Variants in DISP1 observed in about 807,000 individuals in gnomAD.
The protein encoded by DISP1 is protein dispatched homolog 1.
A neutral mutation model predicts 37.3 loss-of-function variants in DISP1; 30 were observed. The observed-to-expected ratio is 0.80, with a 90% CI of 0.60 to 1.09. The LOEUF (loss-of-function observed/expected upper bound fraction) is 1.09. DISP1 is among the 50% of genes least tolerant of loss of function. The pLI, the probability that DISP1 is intolerant of heterozygous loss-of-function variation, is 0.00. For missense variants in DISP1, 1,598 were observed against 1,879.5 expected (o/e 0.85, Z 2.77); for synonymous variants, 634 against 690.2 (o/e 0.92, Z 1.28).
intron 1 of DISP1, among the ~76,000 whole-genome samples, chr1:222,870,889 G>A (rs1183681666): frequency 1.3e-5 from 2 of 152,120 alleles, no homozygotes; most frequent in African/African-American, 4.8e-5. Flanking sequence ...GAATGGTATT[G>A]CCTAGGTTTT....
Position 223,004,044 on chromosome 1 carries a change from C to A in DISP1, c.2647C>A (p.Gln883Lys). 1 of 1,614,136 alleles carries A rather than the reference C, an allele frequency of 6.2e-7. No individual in the cohort carries two copies. The highest frequency in any genetic ancestry group is 8.5e-7 in the Non-Finnish European group (1 of 1,180,030). Reference sequence around the variant, plus strand: ...CAGCCACTGGAGCTTCCCCTACAAGCAAGAGATTTTTGAACTGTGCATCAA... The same window carrying A: ...CAGCCACTGGAGCTTCCCCTACAAGAAAGAGATTTTTGAACTGTGCATCAA... The part of the protein sequence containing the change: ...CCSHWSFPYK[Q>K]EIFELCIKRA... Residue 883 changes from glutamine (Q) to lysine (K), a missense_variant, in exon 9 of 9, where the codon CAA becomes AAA. By Grantham distance (53) the Gln-to-Lys change is moderately conservative (BLOSUM62 1). Transcript: ENST00000675850. This position sits in a 1 kb window ranked among gnomAD's most constrained non-coding sequence, Gnocchi z 4.9.
At chr1:222,978,514 C>G (rs1464340035) in intron 3 of DISP1, among the ~76,000 whole-genome samples, 3 of 152,150 alleles carry the variant, frequency 2.0e-5, no homozygotes, top group African/African-American at 7.2e-5. Context: ...TACAGAAGCT[C>G]TTTAGTTTAA....
rs1181080792 is a variant in DISP1, at chr1:222,877,375, A to G, written c.-158-51055A>G. 3.3e-5 allele frequency among the ~76,000 whole-genome samples: 5 copies of G among 152,278 alleles called. No homozygotes were observed. The East Asian group carries it at 7.7e-4, about 24-fold the overall frequency. On this transcript the variant is annotated intron_variant, in intron 1 of 8. Transcript: ENST00000675850. ...GATGGCGGCAGGCAAAGAGAGAGAGATTGTGCGGGAGAACTCCTATTTATA... is the reference window on the plus strand; with the variant it reads ...GATGGCGGCAGGCAAAGAGAGAGAGGTTGTGCGGGAGAACTCCTATTTATA...
At chr1:222,833,291 G>A (rs184538458) in intron 1 of DISP1, among the ~76,000 whole-genome samples, 1 of 152,184 alleles carries the variant, frequency 6.6e-6, no homozygotes, top group African/African-American at 2.4e-5. Context: ...GTTCATATTA[G>A]TGTAGCAAAA....
chr1:222,965,355 G>A (rs1252352528), intron 3 of DISP1, among the ~76,000 whole-genome samples: 1 of 152,122 alleles, frequency 6.6e-6, no homozygotes, highest in Non-Finnish European at 1.5e-5. Flanking sequence ...GTCTGTAAAT[G>A]TTGACTGTTG....
chr1:222,830,457 T>C (rs1001900925), intron 1 of DISP1, among the ~76,000 whole-genome samples: 24 of 152,006 alleles, frequency 1.6e-4, no homozygotes, highest in Non-Finnish European at 3.4e-4. Flanking sequence ...CTCGGCTCCC[T>C]GCAATCTCCA....
chr1:222,979,471 A>T (rs1164397841), intron 3 of DISP1: 1 of 244,880 alleles, frequency 4.1e-6, no homozygotes, highest in Non-Finnish European at 8.8e-6. Flanking sequence ...TGATGGTTGC[A>T]TAACTCATGA....
At chr1:222,821,535 G>A (rs1337994192) in intron 1 of DISP1, among the ~76,000 whole-genome samples, 2 of 152,080 alleles carry the variant, frequency 1.3e-5, no homozygotes, top group Non-Finnish European at 2.9e-5. Context: ...TTTGCCCTAT[G>A]GTGTTCTCGT....
At chr1:222,849,659 T>C (rs1668115372) in intron 1 of DISP1, among the ~76,000 whole-genome samples, 1 of 152,152 alleles carries the variant, frequency 6.6e-6, no homozygotes, top group South Asian at 2.1e-4. Context: ...TAGTAGACTG[T>C]TACAGGCCAT....
At chr1:222,943,642 T>C in intron 3 of DISP1, 1 of 426,308 alleles carries the variant, frequency 2.3e-6, no homozygotes, top group Non-Finnish European at 4.3e-6. Flanking sequence ...ATTTCTGTTA[T>C]TGTACATGGG....
intron 1 of DISP1, among the ~76,000 whole-genome samples, chr1:222,918,504 C>T (rs919350945): frequency 3.3e-5 from 5 of 152,112 alleles, no homozygotes; most frequent in East Asian, 3.8e-4. Flanking sequence ...TGCTTATTCC[C>T]TGTAAATTGC....
At chr1:222,903,120 G>C (rs369880390) in intron 1 of DISP1, among the ~76,000 whole-genome samples, 61 of 149,702 alleles carry the variant, frequency 4.1e-4, no homozygotes, top group African/African-American at 6.6e-4. Flanking sequence ...ACTATGCAGC[G>C]ATAAAAAATG....
At chr1:222,916,238 A>G (rs537333390) in intron 1 of DISP1, among the ~76,000 whole-genome samples, 1 of 152,334 alleles carries the variant, frequency 6.6e-6, no homozygotes, top group Non-Finnish European at 1.5e-5. Context: ...CCAACATAGT[A>G]GCATACTTTA....
chr1:222,945,450 A>G (rs1221207464), intron 3 of DISP1, among the ~76,000 whole-genome samples: 1 of 152,234 alleles, frequency 6.6e-6, no homozygotes, highest in Non-Finnish European at 1.5e-5. Context: ...ATGAAATAAG[A>G]TAGATATTTC....
At chr1:222,874,978 C>G (rs1027035383) in intron 1 of DISP1, among the ~76,000 whole-genome samples, 1 of 151,988 alleles carries the variant, frequency 6.6e-6, no homozygotes, top group East Asian at 1.9e-4. Flanking sequence ...TATTACAACT[C>G]TTAGTGAAAA....
At chr1:222,897,196 A>G (rs1022996847) in intron 1 of DISP1, among the ~76,000 whole-genome samples, 1 of 152,220 alleles carries the variant, frequency 6.6e-6, no homozygotes, top group Non-Finnish European at 1.5e-5. Context: ...TCTTATAGAT[A>G]TCTGTTGAAT....
At position 222,893,374 on chromosome 1, in the gene DISP1, A is replaced by G. The variant is rs1482182835; in HGVS notation, c.-158-35056A>G. Among the ~76,000 whole-genome samples the G allele has an allele frequency of 2.6e-5, 4 of 152,204 alleles. No homozygotes were observed. Among genetic ancestry groups the G allele is most frequent in the African/African-American group, 9.7e-5 (4 of 41,446 alleles). ...AGCTGGCGGAGCCTTCTTCCTGAGC[A>G]CTGCTTGTGCCTGCTGGCCTCATTC... is the stretch of plus-strand genomic sequence containing the variant. On this transcript the variant is annotated intron_variant, in intron 1 of 8. Transcript: ENST00000675850. The surrounding 1 kb of genome is among the most constrained non-coding windows in gnomAD (Gnocchi z 4.3).
intron 7 of DISP1, among the ~76,000 whole-genome samples, chr1:222,993,143 G>A (rs1678824703): frequency 6.6e-6 from 1 of 152,046 alleles, no homozygotes; most frequent in African/African-American, 2.4e-5. Context: ...TGGGATTACA[G>A]GCATGAGCCA....
In DISP1 at chr1:223,003,307, CG is replaced by C. The variant is rs1558083129; in HGVS notation, c.1914del (p.Thr639GlnfsTer5). On this transcript the variant is annotated frameshift_variant, in exon 9 of 9. Transcript: ENST00000675850. LOFTEE classifies it low-confidence loss of function (END_TRUNC). This position sits in a 1 kb window ranked among gnomAD's most constrained non-coding sequence, Gnocchi z 4.3. Reference protein sequence around the residue: ...ITAIRCFGVYAGTAILVNYVL... With the variant: ...ITAIRCFGVYXGTAILVNYVL... The stretch of plus-strand genomic sequence containing the variant: ...GCAATCCGATGCTTTGGGGTTTATG[CG>C]GGGACAGCTATATTGGTGAATTACG... The C allele has an allele frequency of 1.2e-6, 2 of 1,614,002 alleles. No individual in the cohort carries two copies. Among genetic ancestry groups the C allele is most frequent in the South Asian group, 2.2e-5 (2 of 91,088 alleles).
Sources: allele counts gnomAD v4.1 joint callset (sites outside exome capture counted in the v4.1 genomes callset), GRCh38; gene constraint gnomAD v4.1.1; non-coding constraint Gnocchi (gnomAD v3.1); transcripts MANE v1.5; gene names NCBI Gene and HGNC (gene_info 2026-07-23, HGNC 2026-07-21).